Variants in SWT1 observed in about 807,000 individuals in gnomAD.
SWT1 encodes transcriptional protein SWT1.
SWT1 carries 33 observed loss-of-function variants against 107.3 expected under a neutral mutation model. The ratio of observed to expected loss-of-function variants is 0.31; its 90% CI spans 0.23 to 0.41. The LOEUF is 0.41. SWT1 is among the 10% of genes least tolerant of loss of function. The probability of loss-of-function intolerance (pLI) is 1.00; values close to 1 mark genes in which losing one functional copy is unlikely to be tolerated. For missense variants in SWT1, 898 were observed against 1,028.9 expected (o/e 0.87, Z 1.74); for synonymous variants, 345 against 348.3 (o/e 0.99, Z 0.11).
chr1:185,167,099 G>C (rs114297036), intron 3 of SWT1, among the ~76,000 whole-genome samples: 1,932 of 152,148 alleles, frequency 0.013, 16 homozygotes, highest in Non-Finnish European at 0.022. Context: ...GTAGAGAAAG[G>C]GTTTTACCTT....
chr1:185,167,018 C>G (rs931374753), intron 3 of SWT1, among the ~76,000 whole-genome samples: 1 of 152,152 alleles, frequency 6.6e-6, no homozygotes, highest in African/African-American at 2.4e-5. Flanking sequence ...AGCGATTCTC[C>G]TGCCTCAGGC....
In SWT1 at chr1:185,227,380, G is replaced by A. The variant is rs376505430; in HGVS notation, c.2310-4197G>A. 3.7e-5 allele frequency: 26 copies of A among 709,418 alleles called. No homozygotes were observed. In the East Asian group the frequency reaches 4.0e-4, roughly 11 times the overall value. 43.9% of individuals were successfully genotyped at this position (709,418 alleles called of 1,614,324 possible). ...ATGCCAAACCTATTGAGAAGCCTGC[G>A]GGCCAGCAGCAGGCCAGTACAATAT... is the stretch of plus-strand genomic sequence containing the variant. On this transcript the variant is annotated intron_variant, in intron 15 of 18. Transcript: ENST00000367500.
intron 13 of SWT1, among the ~76,000 whole-genome samples, chr1:185,210,683 G>A (rs1384104987): frequency 2.0e-5 from 3 of 152,126 alleles, no homozygotes; most frequent in African/African-American, 7.2e-5. Context: ...CATAGTATTG[G>A]AAGTTCTGGC....
chr1:185,256,489 C>CT (rs1190620016), intron 16 of SWT1, among the ~76,000 whole-genome samples: 2 of 150,774 alleles, frequency 1.3e-5, no homozygotes, highest in Non-Finnish European at 3.0e-5. Context: ...TCTTTTTATT[C>CT]TTTTTTCTCT....
intron 18 of SWT1, among the ~76,000 whole-genome samples, chr1:185,277,846 A>C (rs1664348147): frequency 1.3e-5 from 2 of 152,136 alleles, no homozygotes; most frequent in South Asian, 4.1e-4. Context: ...GTTATTTATA[A>C]CAAAAATAAG....
At chr1:185,263,328 T>G (rs1663161595) in intron 16 of SWT1, 1 of 152,162 alleles carries the variant, frequency 6.6e-6, no homozygotes, top group Non-Finnish European at 1.5e-5. Context: ...AGTGTTGTGA[T>G]GAACTCTTGG....
intron 10 of SWT1, among the ~76,000 whole-genome samples, chr1:185,200,847 C>A (rs768846254): frequency 2.6e-5 from 4 of 152,176 alleles, no homozygotes; most frequent in Admixed American, 1.3e-4. Flanking sequence ...AAACTGTGCC[C>A]ACAGCCGCAG....
chr1:185,286,325 G>A (rs770396594), intron 18 of SWT1, among the ~76,000 whole-genome samples: 5 of 152,102 alleles, frequency 3.3e-5, no homozygotes, highest in Non-Finnish European at 7.4e-5. Flanking sequence ...TTGGGTTCAA[G>A]CAATTTTCCT....
chr1:185,180,479 T>C (rs1655930385), intron 6 of SWT1, 29 bp downstream of exon 6: 1 of 1,535,430 alleles, frequency 6.5e-7, no homozygotes, highest in African/African-American at 1.4e-5. Context: ...TACTTTGATA[T>C]TTTTAATGAA....
intron 16 of SWT1, among the ~76,000 whole-genome samples, chr1:185,248,775 CAA>C (rs371891305): frequency 0.44 from 51,138 of 117,556 alleles, 9,523 homozygotes; most frequent in African/African-American, 0.52. Flanking sequence ...ACGACTAAGC[CAA>C]AAAAAAAAAA....
intron 16 of SWT1, among the ~76,000 whole-genome samples, chr1:185,254,695 A>G (rs1403402404): frequency 4.0e-5 from 6 of 151,646 alleles, no homozygotes; most frequent in Admixed American, 6.6e-5. Context: ...TCTTGCTAGC[A>G]GTCTATCAAT....
At chr1:185,191,962 T>C (rs984814804) in intron 10 of SWT1, among the ~76,000 whole-genome samples, 3 of 152,172 alleles carry the variant, frequency 2.0e-5, no homozygotes, top group Non-Finnish European at 4.4e-5. Context: ...TCTCTCTCTT[T>C]TTTTGGTTGG....
intron 4 of SWT1, among the ~76,000 whole-genome samples, chr1:185,172,786 C>T (rs1399551964): frequency 1.3e-5 from 2 of 152,116 alleles, no homozygotes; most frequent in African/African-American, 4.8e-5. Flanking sequence ...CGGTGGCTCA[C>T]ACCTGTAATC....
At chr1:185,178,023 T>TA (rs771644314) in intron 5 of SWT1, among the ~76,000 whole-genome samples, 7 of 152,000 alleles carry the variant, frequency 4.6e-5, no homozygotes, top group East Asian at 1.9e-4. Context: ...GACTAGTAAG[T>TA]AAAAAAAATA....
At chr1:185,167,853 C>T (rs1654715329) in intron 3 of SWT1, among the ~76,000 whole-genome samples, 1 of 152,054 alleles carries the variant, frequency 6.6e-6, no homozygotes, top group Admixed American at 6.6e-5. Context: ...AGGTACTTTT[C>T]CTCTTTAGGT....
intron 16 of SWT1, among the ~76,000 whole-genome samples, chr1:185,255,009 C>T (rs1358515511): frequency 6.6e-6 from 1 of 151,618 alleles, no homozygotes; most frequent in Non-Finnish European, 1.5e-5. Flanking sequence ...CAAAGAACAT[C>T]TTTATTTCTG....
chr1:185,177,460 T>C (rs1558015586), intron 5 of SWT1, among the ~76,000 whole-genome samples: 1 of 152,212 alleles, frequency 6.6e-6, no homozygotes, highest in Non-Finnish European at 1.5e-5. Context: ...TATTGGAATT[T>C]AGACTCTTTA....
chr1:185,165,152 A>C (rs1479295412), intron 2 of SWT1, among the ~76,000 whole-genome samples: 3 of 152,196 alleles, frequency 2.0e-5, no homozygotes, highest in African/African-American at 7.2e-5. Context: ...GAAACAGAAC[A>C]CATGCAACAT....
intron 6 of SWT1, 139 bp from the exon 7 acceptor site, chr1:185,181,807 C>G: frequency 1.3e-6 from 1 of 795,314 alleles, no homozygotes; most frequent in South Asian, 2.1e-5. Flanking sequence ...TGTTCTTTTA[C>G]TATGCTCCTT....
Sources: allele counts gnomAD v4.1 joint callset (sites outside exome capture counted in the v4.1 genomes callset), GRCh38; gene constraint gnomAD v4.1.1; transcripts MANE v1.5; gene names NCBI Gene and HGNC (gene_info 2026-07-23, HGNC 2026-07-21).